The following CLDN10 variants were observed in gnomAD, a reference collection of about 807,000 sequenced individuals.
CLDN10 encodes claudin 10, also known as claudin-10.
CLDN10 carries 15 observed loss-of-function variants against 22.9 expected under a neutral mutation model. The ratio of observed to expected loss-of-function variants is 0.65; its 90% CI spans 0.44 to 1.01. The LOEUF (loss-of-function observed/expected upper bound fraction) is 1.01. CLDN10 is among the 50% of genes least tolerant of loss of function. The probability of loss-of-function intolerance (pLI) is 0.00; values close to 1 mark genes in which losing one functional copy is unlikely to be tolerated. For synonymous variants in CLDN10, 114 were observed against 111.4 expected, an observed-to-expected ratio of 1.02 and a Z score of -0.15; for missense variants, 247 against 287.8, an observed-to-expected ratio of 0.86 and a Z score of 1.03.
chr13:95,569,047 A>C (rs1452663545), intron 3 of CLDN10, among the ~76,000 whole-genome samples: 1 of 152,172 alleles, frequency 6.6e-6, no homozygotes, highest in Non-Finnish European at 1.5e-5. Flanking sequence ...GAGATAGTAT[A>C]CTTCAACTGT....
At chr13:95,570,810 T>G (rs1192943084) in intron 3 of CLDN10, among the ~76,000 whole-genome samples, 1 of 139,532 alleles carries the variant, frequency 7.2e-6, no homozygotes, top group Non-Finnish European at 1.5e-5. Context: ...TATACATAAT[T>G]TAAAAATGTA....
chr13:95,473,741 TG>T (rs1290472848), intron 1 of CLDN10, among the ~76,000 whole-genome samples: 1 of 152,194 alleles, frequency 6.6e-6, no homozygotes, highest in Admixed American at 6.5e-5. Flanking sequence ...CACAGGTTCC[TG>T]GGCCCTGCTA....
At chr13:95,502,266 T>C (rs2042993669) in intron 1 of CLDN10, among the ~76,000 whole-genome samples, 1 of 152,174 alleles carries the variant, frequency 6.6e-6, no homozygotes, top group South Asian at 2.1e-4. Context: ...ACAAATGAGA[T>C]CATAATTGCA....
At chr13:95,479,665 A>G (rs1374413379) in intron 1 of CLDN10, 2 of 152,226 alleles carry the variant, frequency 1.3e-5, no homozygotes, top group Non-Finnish European at 2.9e-5. Flanking sequence ...ATAAGCACAT[A>G]TTTTAAACAG....
rs961576145 is a variant in CLDN10 at position 95,577,864 on chromosome 13, A to G, written c.573-36A>G. 3.5e-6 allele frequency: 5 copies of G among 1,417,506 alleles called. No homozygotes were observed. The Admixed American group carries it at 5.3e-5, about 15-fold the overall frequency. 87.8% of individuals were successfully genotyped at this position (1,417,506 alleles called of 1,614,324 possible). The stretch of plus-strand genomic sequence containing the variant: ...TCCCATTTTTGTTTGCCCTATGTGT[A>G]GAATAGAATCTACCAAACTATGTTT... On this transcript the variant is annotated intron_variant, in intron 4 of 4. Coordinates refer to ENST00000299339, the MANE Select transcript of CLDN10 (RefSeq NM_006984.5).
intron 1 of CLDN10, among the ~76,000 whole-genome samples, chr13:95,557,975 T>C (rs1452578223): frequency 6.6e-6 from 1 of 152,176 alleles, no homozygotes; most frequent in Non-Finnish European, 1.5e-5. Flanking sequence ...CAACTTGCAC[T>C]TTCTGTTAAC....
At chr13:95,552,702 G>A, upstream of CLDN10, 12 of 1,546,332 alleles carry the variant, frequency 7.8e-6, no homozygotes, top group South Asian at 1.4e-4. Flanking sequence ...GGAGTGCGGG[G>A]GTCGCGGCGC....
intron 1 of CLDN10, among the ~76,000 whole-genome samples, chr13:95,510,366 C>T (rs996223694): frequency 6.6e-6 from 1 of 152,230 alleles, no homozygotes; most frequent in African/African-American, 2.4e-5. Flanking sequence ...CCTGACCCCT[C>T]TGAGCACACT....
In CLDN10 at chr13:95,552,988, G is replaced by A. The variant is rs1407315856; in HGVS notation, c.220+15G>A. 6.2e-7 allele frequency: 1 copy of A among 1,612,858 alleles called. No individual in the cohort carries two copies. ...GGCGCTGGACGGTCTGCATCCCCGC[G>A]GCCCCCGCCCTCAGCCCTCCTTCCT... is the stretch of plus-strand genomic sequence containing the variant. On this transcript the variant is annotated intron_variant, in intron 1 of 4. Transcript: ENST00000299339.
In CLDN10 at chr13:95,449,051, A is replaced by G. The variant is rs78835091; in HGVS notation, c.214+15004A>G. On this transcript the variant is annotated intron_variant, in intron 1 of 4. Transcript: ENST00000376873. ...ACCGTGCCCCGTTCCACTAAGCCATACTCTAAATCACCTTACTTCCTTCCA... is the reference window on the plus strand; with the variant it reads ...ACCGTGCCCCGTTCCACTAAGCCATGCTCTAAATCACCTTACTTCCTTCCA... Among the ~76,000 whole-genome samples the G allele has an allele frequency of 5.6e-3, 851 of 151,690 alleles. 3 individuals carry two copies. Among genetic ancestry groups the G allele is most frequent in the Middle Eastern group, 0.041 (12 of 292 alleles).
intron 1 of CLDN10, among the ~76,000 whole-genome samples, chr13:95,509,176 G>C (rs563417968): frequency 6.6e-6 from 1 of 152,310 alleles, no homozygotes; most frequent in East Asian, 1.9e-4. Context: ...AGACATGGGA[G>C]ATGAAAGAGA....
chr13:95,516,982 CCTTCCTTCCTTCCT>C, intron 1 of CLDN10, among the ~76,000 whole-genome samples: 1 of 34,958 alleles, frequency 2.9e-5, no homozygotes, highest in Non-Finnish European at 7.3e-5. Context: ...TTCCTTCCTT[CCTTCCTTCCTTCCT>C]TCCTTCCTTC....
intron 1 of CLDN10, among the ~76,000 whole-genome samples, chr13:95,445,303 G>A (rs1031122261): frequency 3.3e-5 from 5 of 152,204 alleles, no homozygotes; most frequent in African/African-American, 9.7e-5. Flanking sequence ...TGCAGACGTC[G>A]ATAACAAAAG....
chr13:95,503,516 G>T (rs564843162), intron 1 of CLDN10, among the ~76,000 whole-genome samples: 1 of 152,116 alleles, frequency 6.6e-6, no homozygotes, highest in East Asian at 1.9e-4. Context: ...TGGAAAGCAA[G>T]ATCTCAAAGA....
chr13:95,507,328 T>C (rs1566307102), intron 1 of CLDN10, among the ~76,000 whole-genome samples: 1 of 152,160 alleles, frequency 6.6e-6, no homozygotes, highest in African/African-American at 2.4e-5. Flanking sequence ...GAGAAGCATG[T>C]GGTCTTGTGA....
chr13:95,461,023 A>G (rs993866532), intron 1 of CLDN10, among the ~76,000 whole-genome samples: 8 of 152,106 alleles, frequency 5.3e-5, no homozygotes, highest in Admixed American at 5.2e-4. Context: ...GAGGCAGGGG[A>G]ATTGCTTGAA....
At chr13:95,506,488 C>T (rs1003285016) in intron 1 of CLDN10, among the ~76,000 whole-genome samples, 4 of 152,190 alleles carry the variant, frequency 2.6e-5, no homozygotes, top group African/African-American at 9.7e-5. Flanking sequence ...CCCTCTACTG[C>T]CTCTCTTCTC....
chr13:95,567,019 T>C (rs889085306), intron 3 of CLDN10, among the ~76,000 whole-genome samples: 1 of 152,222 alleles, frequency 6.6e-6, no homozygotes, highest in African/African-American at 2.4e-5. Flanking sequence ...TTTTGGTTAC[T>C]GTAGCCTTGT....
At chr13:95,565,530 A>G (rs907934477) in intron 3 of CLDN10, among the ~76,000 whole-genome samples, 4 of 152,130 alleles carry the variant, frequency 2.6e-5, no homozygotes, top group African/African-American at 9.7e-5. Flanking sequence ...CATTCCTGGC[A>G]TGTATTTGGT....
Sources: allele counts gnomAD v4.1 joint callset (sites outside exome capture counted in the v4.1 genomes callset), GRCh38; gene constraint gnomAD v4.1.1; transcripts MANE v1.5; gene names NCBI Gene and HGNC (gene_info 2026-07-23, HGNC 2026-07-21).